CEP112: variants seen among roughly 807,000 people sequenced by gnomAD.
The protein encoded by CEP112 is centrosomal protein of 112 kDa.
CEP112 carries 127 observed loss-of-function variants against 153.0 expected under a neutral mutation model. The observed-to-expected ratio is 0.83, with a 90% CI of 0.72 to 0.96. CEP112 has a LOEUF of 0.96. Among genes scored for constraint, CEP112 ranks in the 40% least tolerant of loss-of-function variants. The pLI, the probability that CEP112 is intolerant of heterozygous loss-of-function variation, is 0.00. For synonymous variants in CEP112, 358 were observed against 374.4 expected (o/e 0.96, Z 0.51); for missense variants, 1,089 against 1,101.2 (o/e 0.99, Z 0.16).
chr17:66,096,726 A>G (rs1427307204), intron 6 of CEP112, 94 bp from the exon 7 acceptor site: 2 of 782,972 alleles, frequency 2.6e-6, no homozygotes, highest in Non-Finnish European at 4.2e-6. Context: ...GCCATATGAA[A>G]CATTTTCTAG....
intron 21 of CEP112, among the ~76,000 whole-genome samples, chr17:65,819,309 G>C (rs1243842028): frequency 1.3e-5 from 2 of 151,666 alleles, no homozygotes; most frequent in Admixed American, 6.6e-5. Flanking sequence ...GCAACCTTGA[G>C]CTTCCAATAT....
At chr17:65,920,359 C>CAAAAAAAAA (rs1555713306) in intron 19 of CEP112, among the ~76,000 whole-genome samples, 5 of 29,838 alleles carry the variant, frequency 1.7e-4, no homozygotes, top group Admixed American at 8.1e-4. Flanking sequence ...AACAAACAAA[C>CAAAAAAAAA]AAAATATATA....
intron 20 of CEP112, among the ~76,000 whole-genome samples, chr17:65,872,238 T>A (rs956180806): frequency 3.3e-5 from 5 of 152,010 alleles, no homozygotes; most frequent in Non-Finnish European, 7.4e-5. Flanking sequence ...GAGGCTTTTA[T>A]AAGATTTAAC....
intron 23 of CEP112, among the ~76,000 whole-genome samples, chr17:65,704,731 C>G (rs530262781): frequency 3.9e-5 from 6 of 152,174 alleles, no homozygotes; most frequent in African/African-American, 1.4e-4. Flanking sequence ...CCTCTCACAC[C>G]TCACATTCAC....
intron 17 of CEP112, among the ~76,000 whole-genome samples, chr17:65,970,597 A>G (rs1031549472): frequency 7.9e-5 from 12 of 152,078 alleles, no homozygotes; most frequent in African/African-American, 2.7e-4. Context: ...TTTATATATT[A>G]CCTGTATATT....
intron 17 of CEP112, among the ~76,000 whole-genome samples, chr17:65,970,773 A>G (rs1366004130): frequency 1.8e-4 from 8 of 43,534 alleles, no homozygotes; most frequent in East Asian, 0.012. Flanking sequence ...GTTACATGTT[A>G]CATGCATGCA....
At chr17:65,641,192 A>G (rs1159590423) in intron 24 of CEP112, 127 bp from the exon 25 acceptor site, 1 of 583,160 alleles carries the variant, frequency 1.7e-6, no homozygotes, top group East Asian at 2.9e-5. Flanking sequence ...AAACCAGACA[A>G]TAAAGATGAA....
intron 17 of CEP112, among the ~76,000 whole-genome samples, chr17:65,966,916 G>A (rs923067814): frequency 1.3e-5 from 2 of 152,146 alleles, no homozygotes; most frequent in Admixed American, 1.3e-4. Flanking sequence ...TTGATCTACA[G>A]ATTCAACATA....
intron 23 of CEP112, among the ~76,000 whole-genome samples, chr17:65,717,909 G>A (rs765871476): frequency 1.3e-5 from 2 of 151,938 alleles, no homozygotes; most frequent in Admixed American, 6.6e-5. Flanking sequence ...TTAAGGTGGT[G>A]GGCTCACTCA....
At chr17:65,975,949 C>G (rs1038222709) in intron 17 of CEP112, among the ~76,000 whole-genome samples, 9 of 152,186 alleles carry the variant, frequency 5.9e-5, no homozygotes, top group African/African-American at 2.2e-4. Flanking sequence ...CAAGAAGTTA[C>G]CATTTGTTAA....
At chr17:65,989,838 T>C (rs1456780310) in intron 17 of CEP112, among the ~76,000 whole-genome samples, 1 of 152,068 alleles carries the variant, frequency 6.6e-6, no homozygotes, top group Non-Finnish European at 1.5e-5. Context: ...ACGGGCAATA[T>C]AAAGATGTGT....
intron 4 of CEP112, among the ~76,000 whole-genome samples, chr17:66,143,535 G>A (rs1189414768): frequency 6.6e-6 from 1 of 152,174 alleles, no homozygotes; most frequent in Non-Finnish European, 1.5e-5. Context: ...CTGATTCCTG[G>A]ACCAAAACAG....
At chr17:66,059,961 T>C (rs2066858262) in intron 11 of CEP112, among the ~76,000 whole-genome samples, 1 of 151,792 alleles carries the variant, frequency 6.6e-6, no homozygotes, top group Admixed American at 6.6e-5. Flanking sequence ...GAATACTAGA[T>C]GGCCATAAAA....
chr17:66,053,783 G>A lies in CEP112; in HGVS notation c.1171C>T (p.Arg391Cys). ...IQELLEDTNV[R>C]LNKMESEYMA... is the part of the protein sequence containing the mutation. ...TATTCACTCTCCATTTTATTCAGAC[G>A]CACATTTGTATCCTCAAGCAATTCT... Residue 391 changes from arginine to cysteine, a missense_variant, in exon 12 of 27, where the codon CGT becomes TGT. Coordinates refer to ENST00000535342, the MANE Select transcript of CEP112 (RefSeq NM_001199165.4). The A allele has an allele frequency of 6.2e-7, 1 of 1,613,350 alleles. No individual in the cohort carries two copies. The highest frequency in any genetic ancestry group is 2.2e-5 in the East Asian group (1 of 44,844).
intron 4 of CEP112, among the ~76,000 whole-genome samples, chr17:66,142,153 G>A (rs976485581): frequency 6.6e-6 from 1 of 152,110 alleles, no homozygotes; most frequent in African/African-American, 2.4e-5. Flanking sequence ...TTTATATATT[G>A]TATGTCCACT....
intron 21 of CEP112, among the ~76,000 whole-genome samples, chr17:65,778,504 CTTCT>C (rs1370877251): frequency 6.6e-6 from 1 of 151,994 alleles, no homozygotes; most frequent in African/African-American, 2.4e-5. Context: ...GAAAATGTGT[CTTCT>C]TTCTGAATAG....
chr17:65,863,675 C>T (rs1006160435), intron 20 of CEP112, among the ~76,000 whole-genome samples: 15 of 145,778 alleles, frequency 1.0e-4, no homozygotes, highest in African/African-American at 3.8e-4. Context: ...AGGAGAATGG[C>T]GTGAATCTGG....
chr17:65,698,363 G>A (rs569274926), intron 23 of CEP112, among the ~76,000 whole-genome samples: 7 of 152,226 alleles, frequency 4.6e-5, no homozygotes, highest in African/African-American at 1.7e-4. Context: ...CTCCAAGTAC[G>A]AAAGTTTTCA....
intron 23 of CEP112, among the ~76,000 whole-genome samples, chr17:65,724,963 C>T (rs1448680064): frequency 1.3e-5 from 2 of 152,164 alleles, no homozygotes; most frequent in African/African-American, 2.4e-5. Context: ...CTTCCTTGCC[C>T]TCTTCTTCTC....
Sources: allele counts gnomAD v4.1 joint callset (sites outside exome capture counted in the v4.1 genomes callset), GRCh38; gene constraint gnomAD v4.1.1; transcripts MANE v1.5; gene names NCBI Gene and HGNC (gene_info 2026-07-23, HGNC 2026-07-21).